SETX: variants seen among roughly 807,000 people sequenced by gnomAD.
SETX encodes the protein senataxin.
SETX carries 90 observed loss-of-function variants against 227.2 expected under a neutral mutation model. The ratio of observed to expected loss-of-function variants is 0.40; its 90% CI spans 0.33 to 0.47. The LOEUF (loss-of-function observed/expected upper bound fraction) is 0.47, where lower values mean the gene tolerates loss of function less well. Among genes scored for constraint, SETX ranks in the 20% least tolerant of loss-of-function variants. The pLI, the probability that SETX is intolerant of heterozygous loss-of-function variation, is 0.91. For synonymous variants in SETX, 1,210 were observed against 1,113.2 expected, an observed-to-expected ratio of 1.09 and a Z score of -1.73; for missense variants, 3,052 against 3,181.5, an observed-to-expected ratio of 0.96 and a Z score of 0.98.
chr9:132,304,044 C>T (rs371424375), intron 11 of SETX, among the ~76,000 whole-genome samples: 3 of 152,066 alleles, frequency 2.0e-5, no homozygotes, highest in East Asian at 3.8e-4. Context: ...TGCTTGAACC[C>T]GGGAGGCGGA....
chr9:132,335,097 G>C (rs545040561), intron 6 of SETX, among the ~76,000 whole-genome samples: 1 of 152,044 alleles, frequency 6.6e-6, no homozygotes, highest in African/African-American at 2.4e-5. Flanking sequence ...AAATGGTATA[G>C]AAGTATTTTG....
chr9:132,346,245 C>A lies in SETX; in HGVS notation c.388+16G>T. ...AATAAAACTGATATAACTTGAGGAA[C>A]CATCAAGATACTCACTAACACGTTC... On this transcript the variant is annotated intron_variant, in intron 4 of 25. Transcript: ENST00000224140. 1 of 1,574,548 alleles carries A rather than the reference C, an allele frequency of 6.4e-7. No homozygotes were observed. Among genetic ancestry groups the A allele is most frequent in the Non-Finnish European group, 8.7e-7 (1 of 1,144,302 alleles).
intron 6 of SETX, 77 bp from the exon 7 acceptor site, chr9:132,334,804 A>AAC (rs1847488002): frequency 1.3e-6 from 2 of 1,505,224 alleles, no homozygotes; most frequent in Non-Finnish European, 9.2e-7. Flanking sequence ...GCAAAAGAAT[A>AAC]ACAAGGCAGG....
At chr9:132,283,512 G>T in intron 18 of SETX, 99 bp from the exon 19 acceptor site, 1 of 1,411,196 alleles carries the variant, frequency 7.1e-7, no homozygotes, top group South Asian at 1.2e-5. Flanking sequence ...TATTAAAATA[G>T]ATTTATGACA....
rs61732723 is a variant in SETX at position 132,328,304 on chromosome 9, G to T, written c.3294C>A (p.Asp1098Glu). The part of the protein sequence containing the change: ...EVFSVWQDHP[D>E]DNNSVQDGEK... Reference sequence around the variant, plus strand: ...CACCATCTTGAACTGAATTATTATCGTCTGGATGATCTTGCCAAACTGAAA... The same window carrying T: ...CACCATCTTGAACTGAATTATTATCTTCTGGATGATCTTGCCAAACTGAAA... Residue 1098 changes from aspartate to glutamate, a missense_variant, in exon 10 of 26, where the codon GAC becomes GAA. Transcript: ENST00000224140. The T allele has an allele frequency of 6.2e-7, 1 of 1,613,894 alleles. No individual in the cohort carries two copies. The highest frequency in any genetic ancestry group is 1.1e-5 in the South Asian group (1 of 91,056).
In SETX at chr9:132,329,410, T is replaced by G; in HGVS notation, c.2188A>C (p.Asn730His). 1 of 1,613,836 alleles carries G rather than the reference T, an allele frequency of 6.2e-7. No homozygotes were observed. The highest frequency in any genetic ancestry group is 2.2e-5 in the East Asian group (1 of 44,860). The part of the protein sequence containing the change: ...SYTPKDCTSR[N>H]GPERGCDRGI... ...CTGTCACATCCCCTTTCTGGACCATTTCTTGAAGTACAGTCCTTTGGTGTA... is the reference window on the plus strand; with the variant it reads ...CTGTCACATCCCCTTTCTGGACCATGTCTTGAAGTACAGTCCTTTGGTGTA... The change falls in exon 10 of 26, where the codon AAT becomes CAT. Residue 730 changes from asparagine (N) to histidine (H), a missense_variant. By Grantham distance (68) the Asn-to-His change is moderately conservative. Around this residue, in one of 10 missense-constraint regions of SETX, gnomAD observed 1,483 missense variants for 1,312.0 expected, o/e 1.13. Coordinates refer to ENST00000224140, the MANE Select transcript of SETX (RefSeq NM_015046.7).
chr9:132,336,356 T>C lies in SETX; in HGVS notation c.658A>G (p.Lys220Glu), dbSNP rs761180215. ...IYTSSVLEKG[K>E]LILLPSHMYD... ...ATGTGTGAGGGCAGAAGAATCAGTT[T>C]ACCCTTCTCTAGGACAGAAGAAGTA... The change falls in exon 6 of 26, where the codon AAA (lysine) becomes GAA (glutamate). Residue 220 changes from lysine (K) to glutamate (E), a missense_variant. Lys to Glu is a moderately conservative substitution (Grantham distance 56). Around this residue, in one of 10 missense-constraint regions of SETX, gnomAD observed 239 missense variants for 240.8 expected, o/e 0.99. Coordinates refer to ENST00000224140, the MANE Select transcript of SETX (RefSeq NM_015046.7). The C allele has an allele frequency of 6.2e-7, 1 of 1,614,134 alleles. No individual in the cohort carries two copies. The highest frequency in any genetic ancestry group is 1.1e-5 in the South Asian group (1 of 91,088).
chr9:132,309,914 A>C lies in SETX; in HGVS notation c.5374+1843T>G, dbSNP rs744132. Among the ~76,000 whole-genome samples, 443 of 152,350 alleles carry C rather than the reference A, an allele frequency of 2.9e-3. 3 individuals carry two copies. The highest frequency in any genetic ancestry group is 0.01 in the African/African-American group (423 of 41,564). On this transcript the variant is annotated intron_variant, in intron 11 of 25. Coordinates refer to ENST00000224140, the MANE Select transcript of SETX (RefSeq NM_015046.7). ...TCTTCATTTAAGAAACGGGACACAG[A>C]GCACTGACAATAAAAGACTGATGTA...
chr9:132,347,325 T>G (rs1043141717), intron 3 of SETX, among the ~76,000 whole-genome samples: 11 of 151,794 alleles, frequency 7.2e-5, no homozygotes, highest in Non-Finnish European at 1.5e-4. Flanking sequence ...CACTTTTTAT[T>G]TTTTTTTGAG....
At chr9:132,281,102 T>C (rs866658077) in intron 20 of SETX, among the ~76,000 whole-genome samples, 16 of 152,228 alleles carry the variant, frequency 1.1e-4, no homozygotes, top group African/African-American at 3.9e-4. Context: ...CTGAAGTTTT[T>C]CTTTTATTAT....
rs1188401126 is a variant in SETX, at chr9:132,264,862, T to C, written c.7411A>G (p.Arg2471Gly). Residue 2471 changes from arginine (R) to glycine (G), a missense_variant, in exon 26 of 26, where the codon AGA becomes GGA. This residue lies in a region of SETX where 294 missense variants were observed against 278.8 expected (regional missense o/e 1.05). Transcript: ENST00000224140. ...ATGGTAGGAGGGTGAGTGAGACTTC[T>C]CTGCAGCACAGGCTTGAGTTTCAGA... ...KILKLKPVLQ[R>G]SLTHPPTIAP... The C allele has an allele frequency of 6.2e-7, 1 of 1,614,050 alleles. No individual in the cohort carries two copies. Among genetic ancestry groups the C allele is most frequent in the Non-Finnish European group, 8.5e-7 (1 of 1,180,006 alleles).
chr9:132,347,083 C>T (rs1206427253), intron 3 of SETX, among the ~76,000 whole-genome samples: 4 of 151,870 alleles, frequency 2.6e-5, no homozygotes, highest in Non-Finnish European at 1.5e-5. Context: ...GGAGGAACCT[C>T]GTCTCTACTA....
intron 10 of SETX, among the ~76,000 whole-genome samples, chr9:132,323,669 AG>A (rs1432666765): frequency 2.6e-5 from 4 of 152,200 alleles, no homozygotes; most frequent in Admixed American, 1.3e-4. Flanking sequence ...TGAGAGGCAA[AG>A]GCAGGTGGAT....
At chr9:132,305,875 T>C (rs1845306137) in intron 11 of SETX, among the ~76,000 whole-genome samples, 1 of 152,116 alleles carries the variant, frequency 6.6e-6, no homozygotes, top group Non-Finnish European at 1.5e-5. Flanking sequence ...TAAGGTCTAA[T>C]TAGCTCTTAG....
intron 4 of SETX, among the ~76,000 whole-genome samples, 196 bp downstream of exon 4, chr9:132,346,065 G>A (rs573038234): frequency 6.6e-6 from 1 of 152,110 alleles, no homozygotes; most frequent in South Asian, 2.1e-4. Context: ...AACAAGATAA[G>A]TTTGAACTGT....
chr9:132,353,113 C>T (rs900957904), intron 2 of SETX, among the ~76,000 whole-genome samples: 2 of 152,154 alleles, frequency 1.3e-5, no homozygotes, highest in African/African-American at 2.4e-5. Flanking sequence ...AACTGGACTT[C>T]GAAAGCACAA....
intron 10 of SETX, among the ~76,000 whole-genome samples, chr9:132,325,686 G>A (rs1846697670): frequency 6.6e-6 from 1 of 152,102 alleles, no homozygotes; most frequent in Admixed American, 6.5e-5. Flanking sequence ...CAGCACTTTG[G>A]GAGGCCGAGG....
intron 10 of SETX, among the ~76,000 whole-genome samples, chr9:132,312,513 T>C (rs1487707737): frequency 2.0e-5 from 3 of 152,214 alleles, no homozygotes; most frequent in African/African-American, 4.8e-5. Context: ...TGTCTAAATG[T>C]AACAGTTAGT....
rs764516725 is a variant in SETX at position 132,327,796 on chromosome 9, T to C, written c.3802A>G (p.Ile1268Val). 1.2e-5 allele frequency: 20 copies of C among 1,614,086 alleles called. No individual in the cohort carries two copies. Among genetic ancestry groups the C allele is most frequent in the Admixed American group, 3.3e-5 (2 of 60,008 alleles). Residue 1268 changes from isoleucine to valine, a missense_variant, in exon 10 of 26, where the codon ATA becomes GTA. Ile to Val is a conservative substitution (Grantham distance 29). Transcript: ENST00000224140. The part of the protein sequence containing the change: ...NYLSCRTTPA[I>V]VPPKKFRQCP... ...TGACGAAATTTCTTTGGCGGCACTATAGCAGGAGTTGTTCTACAACTTAGG... is the reference window on the plus strand; with the variant it reads ...TGACGAAATTTCTTTGGCGGCACTACAGCAGGAGTTGTTCTACAACTTAGG...
Sources: allele counts gnomAD v4.1 joint callset (sites outside exome capture counted in the v4.1 genomes callset), GRCh38; gene constraint gnomAD v4.1.1; regional missense constraint gnomAD v4.1.1; transcripts MANE v1.5; gene names NCBI Gene and HGNC (gene_info 2026-07-23, HGNC 2026-07-21).